Variants in IGFBP3 observed in about 807,000 individuals in gnomAD.
The protein encoded by IGFBP3 is insulin-like growth factor-binding protein 3.
In IGFBP3, 9 loss-of-function variants were observed where a neutral mutation model predicts 28.6. That is an observed-to-expected ratio of 0.31 (90% CI 0.19 to 0.55). The LOEUF (loss-of-function observed/expected upper bound fraction) is 0.55, where lower values mean the gene tolerates loss of function less well. Among genes scored for constraint, IGFBP3 ranks in the 20% least tolerant of loss-of-function variants. IGFBP3 has a pLI of 0.93. For synonymous variants in IGFBP3, 185 were observed against 188.2 expected (o/e 0.98, Z 0.14); for missense variants, 382 against 428.9 (o/e 0.89, Z 0.97).
At chr7:45,916,095 T>C (rs1303350824) in intron 3 of IGFBP3, among the ~76,000 whole-genome samples, 1 of 152,154 alleles carries the variant, frequency 6.6e-6, no homozygotes, top group African/African-American at 2.4e-5. Context: ...AAGGCATCAG[T>C]AGGAAAGGGG....
chr7:45,919,775 C>G (rs1784658862), intron 1 of IGFBP3, among the ~76,000 whole-genome samples: 1 of 152,178 alleles, frequency 6.6e-6, no homozygotes, highest in Non-Finnish European at 1.5e-5. Context: ...TAAACAACCC[C>G]CGCTCCTTTT....
In IGFBP3 at chr7:45,915,151, T is replaced by C; in HGVS notation, c.751-206A>G. On this transcript the variant is annotated intron_variant, in intron 3 of 4. Transcript: ENST00000613132. ...CATGCGTGTGGGTGTAACTTCCTGC[T>C]CCAAGAAAGCGGGGGTGGGGGCAGT... 3 of 540,098 alleles carry C rather than the reference T, an allele frequency of 5.6e-6. 1 individual carries two copies. Among genetic ancestry groups the C allele is most frequent in the Non-Finnish European group, 3.3e-6 (1 of 304,824 alleles). The allele number at this position is 540,098 out of a possible 1,614,324, so 33.5% of individuals were successfully genotyped here.
chr7:45,916,168 C>G (rs745463380), intron 3 of IGFBP3, among the ~76,000 whole-genome samples: 6 of 152,296 alleles, frequency 3.9e-5, no homozygotes, highest in Middle Eastern at 3.4e-3. Context: ...TTCTTGGAAA[C>G]TGACTATAAT....
Position 45,920,776 on chromosome 7 carries a change from C to A in IGFBP3, c.365G>T (p.Arg122Leu). Reference protein sequence around the residue: ...GLCVNASAVSRLRAYLLPAPP... With the variant: ...GLCVNASAVSLLRAYLLPAPP... ...CGCTGGCAGCAGGTAGGCGCGCAGG[C>A]GGCTGACGGCACTAGCGTTGACGCA... is the stretch of plus-strand genomic sequence containing the variant. The change falls in exon 1 of 5, where the codon CGC becomes CTC. Residue 122 changes from arginine (R) to leucine (L), a missense_variant. By Grantham distance (102) the Arg-to-Leu change is moderately radical. Coordinates refer to ENST00000613132, the MANE Select transcript of IGFBP3 (RefSeq NM_000598.5). 1 of 1,421,318 alleles carries A rather than the reference C, an allele frequency of 7.0e-7. No individual in the cohort carries two copies. 88.0% of individuals were successfully genotyped at this position (1,421,318 alleles called of 1,614,324 possible).
In IGFBP3 at chr7:45,914,817, C is replaced by A; in HGVS notation, c.*3G>T. 1 of 1,613,044 alleles carries A rather than the reference C, an allele frequency of 6.2e-7. No individual in the cohort carries two copies. The highest frequency in any genetic ancestry group is 8.5e-7 in the Non-Finnish European group (1 of 1,179,708). Reference sequence around the variant, plus strand: ...CCTGAGTACTCACCCTTGCGGCAGGCGTCTACTTGCTCTGCATGCTGTAGC... The same window carrying A: ...CCTGAGTACTCACCCTTGCGGCAGGAGTCTACTTGCTCTGCATGCTGTAGC... On this transcript the variant is annotated 3_prime_UTR_variant, in exon 4 of 5. Coordinates refer to ENST00000613132, the MANE Select transcript of IGFBP3 (RefSeq NM_000598.5).
chr7:45,920,856 C>T lies in IGFBP3; in HGVS notation c.285G>A (p.Gln95=). 2 of 1,416,376 alleles carry T rather than the reference C, an allele frequency of 1.4e-6. No homozygotes were observed. The highest frequency in any genetic ancestry group is 1.8e-6 in the Non-Finnish European group (2 of 1,092,878). The allele number at this position is 1,416,376 out of a possible 1,614,324, so 87.7% of individuals were successfully genotyped here. The change falls in exon 1 of 5, where the codon CAG becomes CAA. Residue 95 remains glutamine, a synonymous_variant. Coordinates refer to ENST00000613132, the MANE Select transcript of IGFBP3 (RefSeq NM_000598.5). ...TERCGSGLRC[Q]PSPDEARPLQ... ...GCGGTCGCGCCTCGTCGGGCGACGG[C>T]TGGCAGCGAAGGCCGGAGCCACAGC...
intron 2 of IGFBP3, 31 bp downstream of exon 2, chr7:45,917,182 C>T (rs1484698149): frequency 6.4e-7 from 1 of 1,556,940 alleles, no homozygotes; most frequent in Non-Finnish European, 8.9e-7. Context: ...AGGTCTTGCC[C>T]TCCTCCTTTA....
chr7:45,919,397 C>A (rs192849030), intron 1 of IGFBP3, among the ~76,000 whole-genome samples: 9 of 152,272 alleles, frequency 5.9e-5, no homozygotes, highest in African/African-American at 1.9e-4. Context: ...TAACTTTGCC[C>A]CGAGAGACAA....
chr7:45,917,545 G>C (rs554407197), intron 1 of IGFBP3, 106 bp from the exon 2 acceptor site: 3 of 892,594 alleles, frequency 3.4e-6, no homozygotes, highest in Non-Finnish European at 3.3e-6. Flanking sequence ...GACAATATTA[G>C]TTGGCAATCC....
At chr7:45,918,584 A>G (rs968625562) in intron 1 of IGFBP3, among the ~76,000 whole-genome samples, 4 of 152,188 alleles carry the variant, frequency 2.6e-5, no homozygotes, top group African/African-American at 9.6e-5. Flanking sequence ...TTAAGTCCAC[A>G]ATTGAGAGTC....
chr7:45,917,522 G>C, intron 1 of IGFBP3, 83 bp from the exon 2 acceptor site: 1 of 1,144,394 alleles, frequency 8.7e-7, no homozygotes, highest in South Asian at 1.6e-5. Context: ...TTGCAACCAG[G>C]TCACATGTAA....
In IGFBP3 at chr7:45,916,996, A is replaced by C. The variant is rs1210609356; in HGVS notation, c.630+217T>G. 12 of 588,914 alleles carry C rather than the reference A, an allele frequency of 2.0e-5. No individual in the cohort carries two copies. The East Asian group carries it at 3.3e-4, about 16-fold the overall frequency. 36.5% of individuals were successfully genotyped at this position (588,914 alleles called of 1,614,324 possible). On this transcript the variant is annotated intron_variant, in intron 2 of 4. Transcript: ENST00000613132. ...CTTTATGACATCCCATATGCTTTTAAGAGTGTTATTTCAGCTTGATCCTCA... is the reference window on the plus strand; with the variant it reads ...CTTTATGACATCCCATATGCTTTTACGAGTGTTATTTCAGCTTGATCCTCA...
Position 45,920,810 on chromosome 7 carries a change from G to C in IGFBP3, c.331C>G (p.Arg111Gly). Reference sequence around the variant, plus strand: ...GCACTAGCGTTGACGCAGAGCCCGCGGCCGTCCAGCAGCGCCTGCAGCGGT... The same window carrying C: ...GCACTAGCGTTGACGCAGAGCCCGCCGCCGTCCAGCAGCGCCTGCAGCGGT... ...ARPLQALLDG[R>G]GLCVNASAVS... The change falls in exon 1 of 5, where the codon CGC (arginine) becomes GGC (glycine). Residue 111 changes from arginine (R) to glycine (G), a missense_variant. Transcript: ENST00000613132. 1 of 1,409,134 alleles carries C rather than the reference G, an allele frequency of 7.1e-7. No homozygotes were observed. The highest frequency in any genetic ancestry group is 9.2e-7 in the Non-Finnish European group (1 of 1,090,462). 87.3% of individuals were successfully genotyped at this position (1,409,134 alleles called of 1,614,324 possible). A position where few individuals can be genotyped will look rare whatever the true frequency, so the allele number is the denominator to read the frequency against.
At chr7:45,916,808 C>T (rs915407242) in intron 2 of IGFBP3, 141 bp from the exon 3 acceptor site, 25 of 854,492 alleles carry the variant, frequency 2.9e-5, no homozygotes, top group African/African-American at 1.0e-4. Flanking sequence ...TGATGTAGCA[C>T]GAAAGTCCCC....
rs1784556288 is a variant in IGFBP3 at position 45,912,406 on chromosome 7, C to G, written c.*1444G>C. On this transcript the variant is annotated 3_prime_UTR_variant, in exon 5 of 5. Coordinates refer to ENST00000613132, the MANE Select transcript of IGFBP3 (RefSeq NM_000598.5). ...ATTTATAAATACATTGCAAGACAAACTTCTCAAAAATACTTTTCCCCCCAA... is the reference window on the plus strand; with the variant it reads ...ATTTATAAATACATTGCAAGACAAAGTTCTCAAAAATACTTTTCCCCCCAA... 6.6e-6 allele frequency: 1 copy of G among 152,014 alleles called. No individual in the cohort carries two copies. The highest frequency in any genetic ancestry group is 6.5e-5 in the Admixed American group (1 of 15,274). 9.4% of individuals were successfully genotyped at this position (152,014 alleles called of 1,614,324 possible).
chr7:45,914,540 G>C (rs1385687163), intron 4 of IGFBP3: 2 of 301,024 alleles, frequency 6.6e-6, no homozygotes, highest in Non-Finnish European at 1.2e-5. Context: ...CTTAGGTGCT[G>C]TGAGGTATCT....
At chr7:45,914,106 C>T (rs1421189384) in intron 4 of IGFBP3, 1 of 152,180 alleles carries the variant, frequency 6.6e-6, no homozygotes, top group Non-Finnish European at 1.5e-5. Flanking sequence ...ATGCAAATTT[C>T]TTCTGCTTAC....
In IGFBP3 at chr7:45,914,815, G is replaced by T; in HGVS notation, c.*5C>A. ...CTCCTGAGTACTCACCCTTGCGGCA[G>T]GCGTCTACTTGCTCTGCATGCTGTA... On this transcript the variant is annotated 3_prime_UTR_variant, in exon 4 of 5. Transcript: ENST00000613132. 2 of 1,613,972 alleles carry T rather than the reference G, an allele frequency of 1.2e-6. No individual in the cohort carries two copies. The highest frequency in any genetic ancestry group is 1.7e-6 in the Non-Finnish European group (2 of 1,179,896).
chr7:45,917,974 C>G (rs1784636696), intron 1 of IGFBP3, among the ~76,000 whole-genome samples: 1 of 152,202 alleles, frequency 6.6e-6, no homozygotes, highest in Admixed American at 6.5e-5. Context: ...CAGTACCGTC[C>G]TCAATGCTAC....
Sources: allele counts gnomAD v4.1 joint callset (sites outside exome capture counted in the v4.1 genomes callset), GRCh38; gene constraint gnomAD v4.1.1; transcripts MANE v1.5; gene names NCBI Gene and HGNC (gene_info 2026-07-23, HGNC 2026-07-21).